Variants in NTM observed in about 807,000 individuals in gnomAD.
NTM encodes IgLON family member 2.
A neutral mutation model predicts 42.1 loss-of-function variants in NTM; 13 were observed. The observed-to-expected ratio is 0.31, with a 90% CI of 0.20 to 0.49. The LOEUF is 0.49. Among genes scored for constraint, NTM ranks in the 20% least tolerant of loss-of-function variants. The pLI is 0.99. For synonymous variants in NTM, 187 were observed against 179.2 expected, an observed-to-expected ratio of 1.04 and a Z score of -0.35; for missense variants, 373 against 452.8, an observed-to-expected ratio of 0.82 and a Z score of 1.60.
intron 2 of NTM, among the ~76,000 whole-genome samples, chr11:132,070,854 C>A (rs1468376150): frequency 7.2e-6 from 1 of 138,430 alleles, no homozygotes; most frequent in African/African-American, 2.7e-5. Context: ...TCACACTGAC[C>A]ATCACAGGTT....
chr11:131,426,805 T>G (rs1346984049), intron 1 of NTM, among the ~76,000 whole-genome samples: 3 of 152,142 alleles, frequency 2.0e-5, no homozygotes, highest in South Asian at 2.1e-4. Flanking sequence ...GCTGGCATAT[T>G]TTCTTAAGTG....
At chr11:131,728,350 T>TTTGATTGTTTTGCTACTAG (rs2079205753) in intron 1 of NTM, among the ~76,000 whole-genome samples, 1 of 152,240 alleles carries the variant, frequency 6.6e-6, no homozygotes. Flanking sequence ...TTTGCTACTA[T>TTTGATTGTTTTGCTACTAG]GGCTCACAGA....
chr11:131,604,659 T>TA (rs1217053798), intron 1 of NTM, among the ~76,000 whole-genome samples: 87 of 137,406 alleles, frequency 6.3e-4, no homozygotes, highest in African/African-American at 2.2e-3. Context: ...TTTTTTTTTT[T>TA]AAATTTAGCT....
chr11:131,577,693 T>C (rs1196035442), intron 1 of NTM, among the ~76,000 whole-genome samples: 1 of 152,224 alleles, frequency 6.6e-6, no homozygotes, highest in Non-Finnish European at 1.5e-5. Context: ...TCTAAGGAAA[T>C]CTAAGTCTCT....
intron 1 of NTM, among the ~76,000 whole-genome samples, chr11:131,412,803 G>GGTGT (rs1487821743): frequency 4.8e-5 from 5 of 104,106 alleles, no homozygotes; most frequent in Admixed American, 3.5e-4. Context: ...CTTCTTACGG[G>GGTGT]GCGTGTGTGT....
At chr11:131,887,529 G>A (rs1467203162) in intron 1 of NTM, among the ~76,000 whole-genome samples, 3 of 152,172 alleles carry the variant, frequency 2.0e-5, no homozygotes, top group Admixed American at 6.5e-5. Context: ...TCTGTTGTGT[G>A]CTACAAATTA....
At chr11:131,671,677 G>A (rs555897145) in intron 1 of NTM, 6 of 881,190 alleles carry the variant, frequency 6.8e-6, no homozygotes, top group South Asian at 1.0e-4. Flanking sequence ...GGAAGCAGAC[G>A]CCTTGGGCTA....
intron 7 of NTM, among the ~76,000 whole-genome samples, chr11:132,323,378 TCAGAGAATACTAC>T (rs2095611736): frequency 6.6e-6 from 1 of 151,840 alleles, no homozygotes; most frequent in Non-Finnish European, 1.5e-5. Flanking sequence ...CAAACTACCA[TCAGAGAATACTAC>T]AAACACCTCT....
chr11:131,789,637 A>AAGAAGAAGAAGAAGAAGAAG (rs2090491547), intron 1 of NTM, among the ~76,000 whole-genome samples: 2 of 24,396 alleles, frequency 8.2e-5, no homozygotes, highest in African/African-American at 1.4e-4. Flanking sequence ...AGAAGAAGAA[A>AAGAAGAAGAAGAAGAAGAAG]AGAAGAAGAA....
chr11:131,983,909 A>G (rs1593399542), intron 2 of NTM, among the ~76,000 whole-genome samples: 2 of 152,364 alleles, frequency 1.3e-5, no homozygotes, highest in South Asian at 4.1e-4. Flanking sequence ...AGGACAGAAT[A>G]TAGAAGAATA....
chr11:131,458,078 A>T (rs1951059013), intron 1 of NTM, among the ~76,000 whole-genome samples: 1 of 152,238 alleles, frequency 6.6e-6, no homozygotes, highest in Non-Finnish European at 1.5e-5. Context: ...CTGGATCACT[A>T]GGGGATGAGT....
rs1240846830 is a variant in NTM at position 132,310,161 on chromosome 11, A to C, written c.711A>C (p.Gln237His). Residue 237 changes from glutamine to histidine, a missense_variant, in exon 6 of 9, where the codon CAA (glutamine) becomes CAC (histidine). This residue lies in a region of NTM where 312 missense variants were observed against 353.5 expected (regional missense o/e 0.88). Coordinates refer to ENST00000683400, the MANE Select transcript of NTM (RefSeq NM_001352005.2). Reference sequence around the variant, plus strand: ...AGGGTACAGGTGTCCCCGTGGGACAAAAGGGGACACTGCAGTGTGAAGCCT... The same window carrying C: ...AGGGTACAGGTGTCCCCGTGGGACACAAGGGGACACTGCAGTGTGAAGCCT... Reference protein sequence around the residue: ...EAKGTGVPVGQKGTLQCEASA... With the variant: ...EAKGTGVPVGHKGTLQCEASA... 6.2e-7 allele frequency: 1 copy of C among 1,611,388 alleles called. No individual in the cohort carries two copies. The highest frequency in any genetic ancestry group is 8.5e-7 in the Non-Finnish European group (1 of 1,178,902).
Position 131,517,241 on chromosome 11 carries a change from G to A in NTM, c.82+146353G>A, listed in dbSNP as rs181863640. 5.5e-4 allele frequency among the ~76,000 whole-genome samples: 83 copies of A among 152,266 alleles called. 1 individual carries two copies. Among genetic ancestry groups the A allele is most frequent in the African/African-American group, 1.9e-3 (77 of 41,556 alleles). ...GATTGTGTCTACACCCAAGACATTGGCAAAAGATTCTGAATAATGTGTGGG... is the reference window on the plus strand; with the variant it reads ...GATTGTGTCTACACCCAAGACATTGACAAAAGATTCTGAATAATGTGTGGG... On this transcript the variant is annotated intron_variant, in intron 1 of 8. Coordinates refer to ENST00000683400, the MANE Select transcript of NTM (RefSeq NM_001352005.2).
At chr11:131,769,564 G>A (rs1392208301) in intron 1 of NTM, 37 of 970,248 alleles carry the variant, frequency 3.8e-5, no homozygotes, top group Non-Finnish European at 4.5e-5. Flanking sequence ...CAAAATATGT[G>A]TATCTCATTA....
At chr11:131,988,873 T>C (rs1169566234) in intron 2 of NTM, among the ~76,000 whole-genome samples, 1 of 152,204 alleles carries the variant, frequency 6.6e-6, no homozygotes, top group African/African-American at 2.4e-5. Context: ...AACACTGTTA[T>C]ATTTCTTTAT....
intron 1 of NTM, among the ~76,000 whole-genome samples, chr11:131,824,297 G>A (rs1365944514): frequency 6.6e-6 from 1 of 152,152 alleles, no homozygotes; most frequent in Non-Finnish European, 1.5e-5. Flanking sequence ...GGAGTTCATT[G>A]TCCCCTACAA....
At chr11:131,978,961 T>A (rs1214085441) in intron 2 of NTM, among the ~76,000 whole-genome samples, 1 of 152,192 alleles carries the variant, frequency 6.6e-6, no homozygotes, top group Non-Finnish European at 1.5e-5. Context: ...ACAAAACTCT[T>A]GTCTGGGTTC....
At chr11:132,036,034 A>G (rs981918763) in intron 2 of NTM, among the ~76,000 whole-genome samples, 2 of 152,130 alleles carry the variant, frequency 1.3e-5, no homozygotes, top group Non-Finnish European at 2.9e-5. Context: ...TCTAGTTACC[A>G]TGTAATTACA....
chr11:131,541,232 A>C (rs2053197210), intron 1 of NTM, among the ~76,000 whole-genome samples: 1 of 152,196 alleles, frequency 6.6e-6, no homozygotes, highest in South Asian at 2.1e-4. Context: ...AGTGACAGAG[A>C]ACCATCCCTC....
Sources: gnomAD v4.1 joint callset for allele counts (sites outside exome capture counted in the v4.1 genomes callset) on GRCh38, gnomAD v4.1.1 for gene constraint, gnomAD v4.1.1 regional missense constraint, MANE v1.5 for transcripts, NCBI Gene and HGNC (gene_info 2026-07-23, HGNC 2026-07-21) for gene names.